Variants in TAF2 observed in about 807,000 individuals in gnomAD.
TAF2 encodes transcription initiation factor TFIID subunit 2.
Under a neutral mutation model 138.5 loss-of-function variants are expected in TAF2, and 61 were observed. The observed-to-expected ratio is 0.44, with a 90% CI of 0.36 to 0.54. TAF2 has a LOEUF of 0.54. Ranked by LOEUF, TAF2 falls within the 20% of genes least tolerant of loss-of-function variation. TAF2 has a pLI of 0.00. For synonymous variants in TAF2, 475 were observed against 469.9 expected (o/e 1.01, Z -0.14); for missense variants, 1,090 against 1,427.9 (o/e 0.76, Z 3.81).
intron 3 of TAF2, among the ~76,000 whole-genome samples, chr8:119,807,465 G>A (rs529393390): frequency 1.5e-4 from 23 of 152,198 alleles, no homozygotes; most frequent in African/African-American, 5.5e-4. Flanking sequence ...TGAAAGACAG[G>A]AAAAAGATAC....
chr8:119,778,245 G>C (rs899628806), intron 17 of TAF2, 116 bp from the exon 18 acceptor site: 2 of 638,758 alleles, frequency 3.1e-6, no homozygotes, highest in Non-Finnish European at 5.5e-6. Flanking sequence ...TATCTGGATG[G>C]AGCCTAACAC....
intron 3 of TAF2, among the ~76,000 whole-genome samples, chr8:119,807,714 A>G (rs1483926436): frequency 6.6e-6 from 1 of 152,210 alleles, no homozygotes; most frequent in Non-Finnish European, 1.5e-5. Flanking sequence ...ACCTGAGACC[A>G]GGAGTTCAAG....
In TAF2 at chr8:119,732,114, T is replaced by A; in HGVS notation, c.3410A>T (p.Glu1137Val). 2 of 1,614,184 alleles carry A rather than the reference T, an allele frequency of 1.2e-6. No individual in the cohort carries two copies. Among genetic ancestry groups the A allele is most frequent in the Non-Finnish European group, 1.7e-6 (2 of 1,180,024 alleles). ...ASAPLSVFTK[E>V]STASKHSDHH... ...GTCACTGTGTTTGGAGGCTGTAGAT[T>A]CCTTAGTAAAGACTGAGAGTGGAGC... Residue 1137 changes from glutamate (E) to valine (V), a missense_variant, in exon 26 of 26, where the codon GAA (glutamate) becomes GTA (valine). Glu to Val is a moderately radical substitution (Grantham distance 121). Transcript: ENST00000378164.
chr8:119,732,615 C>A (rs544221783), intron 25 of TAF2, among the ~76,000 whole-genome samples: 114 of 152,154 alleles, frequency 7.5e-4, no homozygotes, highest in Admixed American at 1.2e-3. Flanking sequence ...ACCAGCCTGG[C>A]CAACGTGGTC....
At chr8:119,806,074 G>A (rs1032912026) in intron 4 of TAF2, among the ~76,000 whole-genome samples, 5 of 151,884 alleles carry the variant, frequency 3.3e-5, no homozygotes, top group Admixed American at 1.3e-4. Context: ...GATAATTTTT[G>A]TATTTTTAGT....
In TAF2 at chr8:119,799,071, T is replaced by C. The variant is rs143940162; in HGVS notation, c.793-1225A>G. Among the ~76,000 whole-genome samples the C allele has an allele frequency of 2.8e-3, 426 of 152,302 alleles. 2 individuals are homozygous for C. The highest frequency in any genetic ancestry group is 9.6e-3 in the African/African-American group (400 of 41,572). Reference sequence around the variant, plus strand: ...CAATTCTTGACTATCATTTGCCTTGTTCCTATTCAATAGCTCAGAGTAGAA... The same window carrying C: ...CAATTCTTGACTATCATTTGCCTTGCTCCTATTCAATAGCTCAGAGTAGAA... On this transcript the variant is annotated intron_variant, in intron 6 of 25. Coordinates refer to ENST00000378164, the MANE Select transcript of TAF2 (RefSeq NM_003184.4).
intron 11 of TAF2, 32 bp from the exon 12 acceptor site, chr8:119,789,778 A>G (rs112562547): frequency 0.013 from 20,928 of 1,599,088 alleles, 165 homozygotes; most frequent in Middle Eastern, 0.018. Context: ...GTAAATTCAT[A>G]TAACAGATTC....
At chr8:119,792,645 AC>A (rs1325263782) in intron 10 of TAF2, among the ~76,000 whole-genome samples, 3 of 152,240 alleles carry the variant, frequency 2.0e-5, no homozygotes, top group African/African-American at 4.8e-5. Flanking sequence ...TGAAACTTAA[AC>A]CCCAACGCAA....
chr8:119,741,207 G>A (rs1362616802), intron 25 of TAF2, among the ~76,000 whole-genome samples: 5 of 152,138 alleles, frequency 3.3e-5, no homozygotes, highest in Admixed American at 3.3e-4. Context: ...CTTCTACATA[G>A]GTTAATGTGC....
intron 5 of TAF2, among the ~76,000 whole-genome samples, chr8:119,803,523 T>C (rs1015068882): frequency 2.6e-5 from 4 of 152,022 alleles, no homozygotes; most frequent in African/African-American, 9.7e-5. Context: ...AAACCCCATC[T>C]GTACTAAAAA....
intron 25 of TAF2, among the ~76,000 whole-genome samples, chr8:119,741,149 A>G (rs1819579065): frequency 6.6e-6 from 1 of 152,214 alleles, no homozygotes; most frequent in Non-Finnish European, 1.5e-5. Flanking sequence ...ATAAGGATCA[A>G]TGATAAAAAG....
chr8:119,762,959 C>A, intron 18 of TAF2: 1 of 187,446 alleles, frequency 5.3e-6, no homozygotes, highest in Non-Finnish European at 1.1e-5. Flanking sequence ...AGTCAATTCT[C>A]ATAGAAGCAA....
At chr8:119,811,759 T>C (rs937840535) in intron 3 of TAF2, among the ~76,000 whole-genome samples, 1 of 126,164 alleles carries the variant, frequency 7.9e-6, no homozygotes, top group African/African-American at 3.2e-5. Flanking sequence ...TGAGCCGGGA[T>C]AGCGCCACTG....
intron 17 of TAF2, among the ~76,000 whole-genome samples, chr8:119,779,148 T>C (rs1283994587): frequency 6.6e-6 from 1 of 152,016 alleles, no homozygotes; most frequent in African/African-American, 2.4e-5. Context: ...TCCTGTCCAC[T>C]AGAAGTATTA....
chr8:119,829,618 C>A (rs1054093139), intron 2 of TAF2, among the ~76,000 whole-genome samples: 8 of 151,998 alleles, frequency 5.3e-5, no homozygotes, highest in African/African-American at 1.9e-4. Context: ...AAGATCCTAA[C>A]CCATACAACA....
At chr8:119,790,409 C>T (rs1308577683) in intron 11 of TAF2, among the ~76,000 whole-genome samples, 1 of 151,904 alleles carries the variant, frequency 6.6e-6, no homozygotes, top group African/African-American at 2.4e-5. Context: ...CACTGCACTC[C>T]AGCCTGGGTG....
rs1213139752 is a variant in TAF2 at position 119,787,410 on chromosome 8, C to T, written c.1793+928G>A. On this transcript the variant is annotated intron_variant, in intron 14 of 25. Coordinates refer to ENST00000378164, the MANE Select transcript of TAF2 (RefSeq NM_003184.4). ...CAAACAAACAAAAAAAAACCCAACC[C>T]CATCAAAAAGTGGGTTAAAGATATG... is the stretch of plus-strand genomic sequence containing the variant. 4.6e-5 allele frequency among the ~76,000 whole-genome samples: 7 copies of T among 150,756 alleles called. No homozygotes were observed. The East Asian group carries it at 1.4e-3, about 29-fold the overall frequency.
chr8:119,756,799 C>T (rs558016652), intron 21 of TAF2, among the ~76,000 whole-genome samples: 52 of 151,920 alleles, frequency 3.4e-4, no homozygotes, highest in Admixed American at 1.4e-3. Context: ...TACAGGGCAA[C>T]GCAATGAAAA....
intron 19 of TAF2, among the ~76,000 whole-genome samples, chr8:119,761,310 C>A (rs1190161386): frequency 6.6e-6 from 1 of 152,146 alleles, no homozygotes; most frequent in East Asian, 1.9e-4. Context: ...GAGCAACAGG[C>A]TATACCATAA....
Sources: allele counts gnomAD v4.1 joint callset (sites outside exome capture counted in the v4.1 genomes callset), GRCh38; gene constraint gnomAD v4.1.1; transcripts MANE v1.5; gene names NCBI Gene and HGNC (gene_info 2026-07-23, HGNC 2026-07-21).